The following GALNT9 variants were observed in gnomAD, a reference collection of about 807,000 sequenced individuals.
GALNT9 encodes the protein GalNAc transferase 9.
A neutral mutation model predicts 63.1 loss-of-function variants in GALNT9; 47 were observed. The observed-to-expected ratio is 0.75, with a 90% CI of 0.59 to 0.95. The LOEUF (loss-of-function observed/expected upper bound fraction) is 0.95, where lower values mean the gene tolerates loss of function less well. Among genes scored for constraint, GALNT9 ranks in the 40% least tolerant of loss-of-function variants. The pLI, the probability that GALNT9 is intolerant of heterozygous loss-of-function variation, is 0.00. For synonymous variants in GALNT9, 396 were observed against 365.7 expected (o/e 1.08, Z -0.94); for missense variants, 829 against 874.8 (o/e 0.95, Z 0.66).
chr12:132,201,352 G>A, intron 7 of GALNT9, 91 bp from the exon 8 acceptor site: 7 of 851,202 alleles, frequency 8.2e-6, no homozygotes, highest in Non-Finnish European at 1.3e-5. Context: ...CAGGGACCAA[G>A]TGCCCTCACA....
intron 1 of GALNT9, among the ~76,000 whole-genome samples, chr12:132,326,738 A>T (rs1555246540): frequency 6.6e-6 from 1 of 152,194 alleles, no homozygotes; most frequent in African/African-American, 2.4e-5. Context: ...GCTCCCAGGA[A>T]TCAATTTTGC....
intron 1 of GALNT9, among the ~76,000 whole-genome samples, chr12:132,302,229 T>TAC (rs56317485): frequency 0.072 from 10,360 of 143,642 alleles, 578 homozygotes; most frequent in African/African-American, 0.16. Flanking sequence ...TAGAAAATTC[T>TAC]ACACACACAC....
intron 1 of GALNT9, among the ~76,000 whole-genome samples, chr12:132,287,463 T>C (rs28577928): frequency 0.25 from 38,066 of 152,050 alleles, 5,008 homozygotes; most frequent in South Asian, 0.38. Context: ...CACATCCACA[T>C]GCGTGCTGCT....
chr12:132,304,688 C>A (rs1555244378), intron 1 of GALNT9, among the ~76,000 whole-genome samples: 2 of 54,512 alleles, frequency 3.7e-5, no homozygotes, highest in African/African-American at 7.3e-5. Flanking sequence ...CGGGCACACC[C>A]TCGCCCAGAC....
intron 6 of GALNT9, among the ~76,000 whole-genome samples, chr12:132,237,424 CCTT>C (rs1449163597): frequency 6.6e-6 from 1 of 152,036 alleles, no homozygotes; most frequent in African/African-American, 2.4e-5. Context: ...CCTGCCTACA[CCTT>C]CTGACACCTG....
At chr12:132,284,611 G>A (rs1880515367) in intron 2 of GALNT9, 1 of 152,260 alleles carries the variant, frequency 6.6e-6, no homozygotes, top group East Asian at 1.9e-4. Flanking sequence ...GTCACACTCT[G>A]GATGTGGCTG....
At chr12:132,226,879 CACAT>C (rs1341026697) in intron 6 of GALNT9, among the ~76,000 whole-genome samples, 15 of 150,590 alleles carry the variant, frequency 1.0e-4, no homozygotes, top group African/African-American at 3.4e-4. Context: ...ACACCCCACA[CACAT>C]ACACTCCATA....
intron 9 of GALNT9, among the ~76,000 whole-genome samples, chr12:132,198,426 G>T (rs1875710272): frequency 1.3e-5 from 1 of 79,158 alleles, no homozygotes; most frequent in Non-Finnish European, 2.6e-5. Context: ...CTGTGATTCT[G>T]CGGGGCTGGG....
Position 132,240,475 on chromosome 12 carries a change from C to G in GALNT9, c.1077+7435G>C, listed in dbSNP as rs2136898284. On this transcript the variant is annotated intron_variant, in intron 6 of 10. Transcript: ENST00000328957. Reference sequence around the variant, plus strand: ...GCCCTCAGAACGGAGCAAGAATAGCCGTGCCCAGCTCGGACCCCGGGCGGC... The same window carrying G: ...GCCCTCAGAACGGAGCAAGAATAGCGGTGCCCAGCTCGGACCCCGGGCGGC... 1.2e-4 allele frequency: 46 copies of G among 384,374 alleles called. 1 individual carries two copies. Among genetic ancestry groups the G allele is most frequent in the Admixed American group, 5.7e-4 (17 of 29,588 alleles). 23.8% of individuals were successfully genotyped at this position (384,374 alleles called of 1,614,324 possible).
chr12:132,280,934 A>G (rs1555241627), intron 2 of GALNT9: 1 of 152,334 alleles, frequency 6.6e-6, no homozygotes, highest in Non-Finnish European at 1.5e-5. Context: ...AAAATGGGAC[A>G]ATAAGAGGCT....
At chr12:132,288,963 C>G (rs1217567698) in intron 1 of GALNT9, among the ~76,000 whole-genome samples, 2 of 152,230 alleles carry the variant, frequency 1.3e-5, no homozygotes, top group Admixed American at 1.3e-4. Context: ...CTGCCCAATG[C>G]CCGGCGTTCT....
intron 6 of GALNT9, among the ~76,000 whole-genome samples, chr12:132,240,998 G>A (rs1453244272): frequency 2.4e-4 from 16 of 66,532 alleles, no homozygotes; most frequent in Admixed American, 7.2e-4. Context: ...CCCCCTTCCC[G>A]GGGCCCTCCC....
chr12:132,243,453 G>T (rs1175775631), intron 6 of GALNT9, among the ~76,000 whole-genome samples: 1 of 148,778 alleles, frequency 6.7e-6, no homozygotes, highest in Non-Finnish European at 1.5e-5. Flanking sequence ...TCTGGTGGGG[G>T]CCCCACCTGG....
At chr12:132,210,365 C>G (rs10444603) in intron 6 of GALNT9, among the ~76,000 whole-genome samples, 28,490 of 152,248 alleles carry the variant, frequency 0.19, 2,814 homozygotes, top group Middle Eastern at 0.34. Flanking sequence ...TCAAGGCAAG[C>G]AAAGCAACAG....
intron 8 of GALNT9, among the ~76,000 whole-genome samples, chr12:132,200,043 T>C (rs372765460): frequency 2.0e-5 from 3 of 151,894 alleles, no homozygotes; most frequent in East Asian, 3.9e-4. Flanking sequence ...TAATTGAGGA[T>C]GGAGTGGGCA....
chr12:132,318,489 C>T (rs1249578285), intron 1 of GALNT9, among the ~76,000 whole-genome samples: 3 of 152,242 alleles, frequency 2.0e-5, no homozygotes, highest in Non-Finnish European at 4.4e-5. Flanking sequence ...GACATGAATC[C>T]GCCATCCCAT....
chr12:132,290,853 ACCCACAACCACAGCG>A (rs1880795110), intron 1 of GALNT9, among the ~76,000 whole-genome samples: 2 of 44,706 alleles, frequency 4.5e-5, no homozygotes, highest in Admixed American at 2.3e-4. Flanking sequence ...CGTCCACAGC[ACCCACAACCACAGCG>A]CCCACGTCCA....
At position 132,320,638 on chromosome 12, in the gene GALNT9, G is replaced by A. The variant is rs573955823; in HGVS notation, c.238+8328C>T. Among the ~76,000 whole-genome samples, 1,284 of 152,346 alleles carry A rather than the reference G, an allele frequency of 8.4e-3. 17 individuals carry two copies. Among genetic ancestry groups the A allele is most frequent in the African/African-American group, 0.027 (1,136 of 41,564 alleles). ...TAGCAAAGCCCGTGTGCCTGGATCCGTGGGACACGGTGGAGGAGGTGGAGG... is the reference window on the plus strand; with the variant it reads ...TAGCAAAGCCCGTGTGCCTGGATCCATGGGACACGGTGGAGGAGGTGGAGG... On this transcript the variant is annotated intron_variant, in intron 1 of 10. Coordinates refer to ENST00000328957, the MANE Select transcript of GALNT9 (RefSeq NM_001122636.2).
At chr12:132,276,019 G>A (rs558343229) in intron 2 of GALNT9, among the ~76,000 whole-genome samples, 4 of 152,216 alleles carry the variant, frequency 2.6e-5, no homozygotes, top group Non-Finnish European at 4.4e-5. Context: ...GCTCTGCCCC[G>A]CAGGTCCCAG....
Sources: allele counts gnomAD v4.1 joint callset (sites outside exome capture counted in the v4.1 genomes callset), GRCh38; gene constraint gnomAD v4.1.1; transcripts MANE v1.5; gene names NCBI Gene and HGNC (gene_info 2026-07-23, HGNC 2026-07-21).